SMPX: variants seen among roughly 807,000 people sequenced by gnomAD.
SMPX encodes the protein small muscular protein.
SMPX carries 2 observed loss-of-function variants against 6.3 expected under a neutral mutation model. That is an observed-to-expected ratio of 0.32 (90% confidence interval 0.13 to 0.99). The LOEUF is 0.99. SMPX is among the 50% of genes least tolerant of loss of function. The pLI is 0.49. For synonymous variants in SMPX, 32 were observed against 24.7 expected (o/e 1.30, Z -0.88); for missense variants, 60 against 66.8 (o/e 0.90, Z 0.36).
chrX:21,719,163 G>A (rs1023696069), intron 4 of SMPX, among the ~76,000 whole-genome samples: 11 of 111,940 alleles, frequency 9.8e-5, no homozygotes, highest in Non-Finnish European at 1.3e-4. Flanking sequence ...TTTCCCTCCC[G>A]TTAGTTGGAT....
At chrX:21,723,965 T>A (rs1256519843) in intron 4 of SMPX, among the ~76,000 whole-genome samples, 2 of 112,043 alleles carry the variant, frequency 1.8e-5, no homozygotes, top group Non-Finnish European at 3.8e-5. Context: ...CCTCTTCCTA[T>A]GTGCTGGGAA....
At chrX:21,730,118 A>G in intron 4 of SMPX, among the ~76,000 whole-genome samples, 1 of 112,596 alleles carries the variant, frequency 8.9e-6, no homozygotes, top group East Asian at 2.8e-4. Context: ...CATTTCCTTC[A>G]GAGAAAGTGA....
intron 4 of SMPX, among the ~76,000 whole-genome samples, chrX:21,711,165 A>G: frequency 8.9e-6 from 1 of 112,133 alleles, no homozygotes; most frequent in Admixed American, 9.4e-5. Context: ...CTGGCATGAT[A>G]CCAGAATACA....
chrX:21,740,540 G>A (rs1569308091), intron 3 of SMPX, among the ~76,000 whole-genome samples: 1 of 112,278 alleles, frequency 8.9e-6, no homozygotes, highest in Non-Finnish European at 1.9e-5. Context: ...ATATCCTACT[G>A]AGTTTTTCCC....
intron 1 of SMPX, among the ~76,000 whole-genome samples, chrX:21,755,737 AG>A (rs1188958942): frequency 8.9e-6 from 1 of 112,380 alleles, no homozygotes. Flanking sequence ...CTCTATACTC[AG>A]GGTATCCAAA....
intron 4 of SMPX, among the ~76,000 whole-genome samples, chrX:21,730,697 A>G (rs1159364408): frequency 8.9e-6 from 1 of 112,135 alleles, no homozygotes; most frequent in East Asian, 2.8e-4. Context: ...CCAGAAGTAA[A>G]CCCAGAGGAA....
chrX:21,732,964 C>A (rs2092806521), intron 4 of SMPX, among the ~76,000 whole-genome samples: 1 of 111,371 alleles, frequency 9.0e-6, no homozygotes, highest in Admixed American at 9.5e-5. Flanking sequence ...GAACCCTCAC[C>A]AAAACCCAAC....
At chrX:21,749,003 G>T (rs892080885) in intron 2 of SMPX, among the ~76,000 whole-genome samples, 8 of 111,667 alleles carry the variant, frequency 7.2e-5, no homozygotes, top group Non-Finnish European at 9.4e-5. Context: ...TTCATCTTCC[G>T]TGGAGACTGC....
chrX:21,754,238 C>T lies in SMPX; in HGVS notation c.45+8G>A. On this transcript the variant is annotated splice_region_variant and intron_variant, in intron 2 of 4. Coordinates refer to ENST00000379494, the MANE Select transcript of SMPX (RefSeq NM_014332.3). ...AGCAACCAGGCAAGAAGTTGCAGGG[C>T]TACTTACCTGGATGGCTCTAACATT... 1 of 1,206,816 alleles carries T rather than the reference C, an allele frequency of 8.3e-7. No homozygotes were observed. Among genetic ancestry groups the T allele is most frequent in the Non-Finnish European group, 1.1e-6 (1 of 890,899 alleles).
chrX:21,714,330 T>C (rs1233466472), intron 4 of SMPX, among the ~76,000 whole-genome samples: 2 of 112,100 alleles, frequency 1.8e-5, no homozygotes, highest in African/African-American at 6.5e-5. Context: ...CATTGAAGCA[T>C]TTTTCCAGTT....
intron 4 of SMPX, among the ~76,000 whole-genome samples, chrX:21,707,268 T>C (rs2092774012): frequency 9.0e-6 from 1 of 111,187 alleles, no homozygotes; most frequent in Admixed American, 9.6e-5. Context: ...TTTCATGAGA[T>C]ATGTTAGGGA....
At chrX:21,744,137 C>T (rs2092819014) in intron 2 of SMPX, among the ~76,000 whole-genome samples, 1 of 111,707 alleles carries the variant, frequency 9.0e-6, no homozygotes, top group South Asian at 3.8e-4. Context: ...CTGTTGCCCT[C>T]CTGAGGTGCA....
At chrX:21,749,718 T>C (rs750380964) in intron 2 of SMPX, among the ~76,000 whole-genome samples, 1 of 111,975 alleles carries the variant, frequency 8.9e-6, no homozygotes, top group South Asian at 3.8e-4. Context: ...CTGGGCCAGG[T>C]ATATGGTAAA....
chrX:21,718,971 T>C (rs914943934), intron 4 of SMPX, among the ~76,000 whole-genome samples: 8 of 112,558 alleles, frequency 7.1e-5, no homozygotes, highest in Non-Finnish European at 9.4e-5. Flanking sequence ...AGGAACTTGA[T>C]AATATTTAGC....
chrX:21,743,639 TG>T (rs1171440020), intron 3 of SMPX, 110 bp downstream of exon 3: 6 of 595,807 alleles, frequency 1.0e-5, no homozygotes, highest in African/African-American at 6.6e-5. Flanking sequence ...CACAGCCATT[TG>T]CCCCCTCCCT....
intron 2 of SMPX, among the ~76,000 whole-genome samples, chrX:21,744,945 A>G (rs369585738): frequency 1.5e-4 from 17 of 112,071 alleles, no homozygotes; most frequent in African/African-American, 5.2e-4. Context: ...CTCTGTTGCC[A>G]GGGGAATGCT....
At chrX:21,734,142 T>C (rs769889668) in intron 4 of SMPX, among the ~76,000 whole-genome samples, 31 of 112,349 alleles carry the variant, frequency 2.8e-4, no homozygotes, top group East Asian at 1.1e-3. Context: ...TTAAGTATCC[T>C]GAGAGCAGGG....
At chrX:21,732,694 C>T (rs1342788330) in intron 4 of SMPX, among the ~76,000 whole-genome samples, 2 of 112,167 alleles carry the variant, frequency 1.8e-5, no homozygotes, top group African/African-American at 3.2e-5. Flanking sequence ...ACAGGATAAA[C>T]AGAAGATGCT....
chrX:21,749,071 T>A (rs1273434844), intron 2 of SMPX, among the ~76,000 whole-genome samples: 1 of 112,032 alleles, frequency 8.9e-6, no homozygotes, highest in Non-Finnish European at 1.9e-5. Flanking sequence ...TGACAACTAG[T>A]GGGGAAGGGA....
Sources: allele counts gnomAD v4.1 joint callset (sites outside exome capture counted in the v4.1 genomes callset), GRCh38; gene constraint gnomAD v4.1.1; transcripts MANE v1.5; gene names NCBI Gene and HGNC (gene_info 2026-07-23, HGNC 2026-07-21).